PCSK6: variants seen among roughly 807,000 people sequenced by gnomAD.
PCSK6 encodes the protein proprotein convertase subtilisin/kexin type 6.
A neutral mutation model predicts 123.3 loss-of-function variants in PCSK6; 85 were observed. The observed-to-expected ratio is 0.69, with a 90% CI of 0.58 to 0.83. PCSK6 has a LOEUF of 0.83. Among genes scored for constraint, PCSK6 ranks in the 40% least tolerant of loss-of-function variants. The pLI is 0.00. For synonymous variants in PCSK6, 508 were observed against 516.0 expected, an observed-to-expected ratio of 0.98 and a Z score of 0.21; for missense variants, 1,191 against 1,282.3, an observed-to-expected ratio of 0.93 and a Z score of 1.09.
chr15:101,418,533 T>C (rs2055970624), intron 6 of PCSK6, among the ~76,000 whole-genome samples: 1 of 151,936 alleles, frequency 6.6e-6, no homozygotes, highest in Non-Finnish European at 1.5e-5. Context: ...TTTTTTTTTT[T>C]TTTTTTGAGG....
At chr15:101,374,213 C>T (rs767245904) in intron 11 of PCSK6, among the ~76,000 whole-genome samples, 3 of 152,194 alleles carry the variant, frequency 2.0e-5, no homozygotes, top group Non-Finnish European at 2.9e-5. Flanking sequence ...CCTGAGGAGG[C>T]GAAGGCCCAC....
Position 101,313,514 on chromosome 15 carries a change from C to T in PCSK6, c.2570-9G>A, listed in dbSNP as rs1012421950. 9.4e-6 allele frequency: 15 copies of T among 1,589,280 alleles called. No homozygotes were observed. Among genetic ancestry groups the T allele is most frequent in the African/African-American group, 1.3e-5 (1 of 74,838 alleles). On this transcript the variant is annotated splice_polypyrimidine_tract_variant and intron_variant, in intron 19 of 21. Coordinates refer to ENST00000611716, the MANE Select transcript of PCSK6 (RefSeq NM_002570.5). ...CTCTTCTCTGCCTGGCCCTGAGAGA[C>T]ACAGGAAAAGAAGCAGGTATCAGGG...
chr15:101,471,882 C>T (rs1163079970), intron 1 of PCSK6, among the ~76,000 whole-genome samples: 1 of 152,154 alleles, frequency 6.6e-6, no homozygotes, highest in Non-Finnish European at 1.5e-5. Flanking sequence ...GTTTCTTTCA[C>T]TTGGCCTGTC....
intron 13 of PCSK6, among the ~76,000 whole-genome samples, chr15:101,358,984 C>T (rs888323876): frequency 6.6e-6 from 1 of 152,210 alleles, no homozygotes; most frequent in Non-Finnish European, 1.5e-5. Context: ...GGCTCCCAGG[C>T]TAGCTCTCAC....
chr15:101,375,655 A>ATAATG (rs1324988872), intron 11 of PCSK6, among the ~76,000 whole-genome samples: 1 of 151,834 alleles, frequency 6.6e-6, no homozygotes, highest in Non-Finnish European at 1.5e-5. Flanking sequence ...GAGTGGTAAC[A>ATAATG]TAATGAGTCC....
At chr15:101,369,763 C>T (rs1313941130) in intron 12 of PCSK6, among the ~76,000 whole-genome samples, 1 of 140,554 alleles carries the variant, frequency 7.1e-6, no homozygotes, top group Non-Finnish European at 1.6e-5. Context: ...AAACCATGTG[C>T]GAAGCTTTGG....
At chr15:101,361,166 T>TC (rs200363123) in intron 13 of PCSK6, among the ~76,000 whole-genome samples, 2,448 of 120,042 alleles carry the variant, frequency 0.02, 91 homozygotes, top group East Asian at 0.19. Context: ...TTCTCTCTCT[T>TC]TTTTTTTTTT....
At chr15:101,483,786 C>T (rs993943970) in intron 1 of PCSK6, among the ~76,000 whole-genome samples, 6 of 152,364 alleles carry the variant, frequency 3.9e-5, no homozygotes, top group East Asian at 1.9e-4. Flanking sequence ...TCTGTCCAAA[C>T]GCCCATGCGA....
chr15:101,426,061 C>G (rs1035592229), intron 6 of PCSK6, among the ~76,000 whole-genome samples: 3 of 152,216 alleles, frequency 2.0e-5, no homozygotes, highest in Non-Finnish European at 4.4e-5. Flanking sequence ...ATGCCATGCT[C>G]AAAGTCTAGG....
chr15:101,342,511 T>C lies in PCSK6; in HGVS notation c.1859-10480A>G, dbSNP rs1016126867. ...TTAATACTGTTGGATTTAGTTTTCTTGATATTGGGCTTAGAATTTTTGTAT... is the reference window on the plus strand; with the variant it reads ...TTAATACTGTTGGATTTAGTTTTCTCGATATTGGGCTTAGAATTTTTGTAT... On this transcript the variant is annotated intron_variant, in intron 13 of 21. Coordinates refer to ENST00000611716, the MANE Select transcript of PCSK6 (RefSeq NM_002570.5). Among the ~76,000 whole-genome samples the C allele has an allele frequency of 3.9e-5, 6 of 152,246 alleles. No individual in the cohort carries two copies. In the East Asian group the frequency reaches 1.2e-3, roughly 29 times the overall value.
chr15:101,373,610 G>A (rs890844712), intron 11 of PCSK6, among the ~76,000 whole-genome samples: 4 of 152,164 alleles, frequency 2.6e-5, no homozygotes, highest in African/African-American at 4.8e-5. Flanking sequence ...GCTTCAAAAT[G>A]TTTCATGATC....
At chr15:101,405,399 T>C (rs2042741815) in intron 6 of PCSK6, among the ~76,000 whole-genome samples, 1 of 151,972 alleles carries the variant, frequency 6.6e-6, no homozygotes, top group Non-Finnish European at 1.5e-5. Context: ...TAAGGACGAG[T>C]CTGTGGGTGT....
chr15:101,406,113 T>C (rs2042771123), intron 6 of PCSK6, among the ~76,000 whole-genome samples: 1 of 152,180 alleles, frequency 6.6e-6, no homozygotes, highest in African/African-American at 2.4e-5. Context: ...CCTATCAACA[T>C]GCAGCCGGCC....
Position 101,305,412 on chromosome 15 carries a change from G to A in PCSK6, c.2813-57C>T, listed in dbSNP as rs1192460566. ...GGAAAGGTCAGTCTTCGGTGCCTGT[G>A]AAGATTGTTTCAAGGCCGGGCGCGG... On this transcript the variant is annotated intron_variant, in intron 21 of 21. Coordinates refer to ENST00000611716, the MANE Select transcript of PCSK6 (RefSeq NM_002570.5). The surrounding 1 kb of genome is among the most constrained non-coding windows in gnomAD (Gnocchi z 4.8). 4 of 1,468,984 alleles carry A rather than the reference G, an allele frequency of 2.7e-6. No homozygotes were observed. Among genetic ancestry groups the A allele is most frequent in the South Asian group, 1.2e-5 (1 of 85,220 alleles). 91.0% of individuals were successfully genotyped at this position (1,468,984 alleles called of 1,614,324 possible).
chr15:101,344,649 CT>C (rs1386260964), intron 13 of PCSK6, among the ~76,000 whole-genome samples: 2 of 151,996 alleles, frequency 1.3e-5, no homozygotes, highest in South Asian at 4.2e-4. Context: ...ACAGAAAATA[CT>C]TTTTTTTAAT....
chr15:101,305,350 C>G lies in PCSK6; in HGVS notation c.2818G>C (p.Glu940Gln), dbSNP rs1231150294. The change falls in exon 22 of 22, where the codon GAG becomes CAG. Residue 940 changes from glutamate (E) to glutamine (Q), a missense_variant. Glu to Gln is a conservative substitution (Grantham distance 29, BLOSUM62 2). This residue lies in a region of PCSK6 where 630 missense variants were observed against 631.4 expected (regional missense o/e 1.00). Transcript: ENST00000611716. This position sits in a 1 kb window ranked among gnomAD's most constrained non-coding sequence, Gnocchi z 4.8. ...GACTTCACCATCTCGCAGAATGTCT[C>G]GTCAGCTGGGGCCCCGCATCAGGAA... The part of the protein sequence containing the change: ...ITNHTCSNAD[E>Q]TFCEMVKSNR... 1.2e-6 allele frequency: 2 copies of G among 1,611,866 alleles called. No individual in the cohort carries two copies. The highest frequency in any genetic ancestry group is 1.7e-6 in the Non-Finnish European group (2 of 1,179,676).
At chr15:101,442,308 G>A (rs935642580) in intron 2 of PCSK6, among the ~76,000 whole-genome samples, 2 of 152,050 alleles carry the variant, frequency 1.3e-5, no homozygotes, top group South Asian at 2.1e-4. Context: ...CGACTTATCC[G>A]TATCTATCTA....
chr15:101,436,494 A>G lies in PCSK6; in HGVS notation c.403-4394T>C, dbSNP rs140958060. ...AGGTTACTTTATTCTGTAACTGTGAAAGAACAAGGGGACTGCAAGCCAGAC... is the reference window on the plus strand; with the variant it reads ...AGGTTACTTTATTCTGTAACTGTGAGAGAACAAGGGGACTGCAAGCCAGAC... On this transcript the variant is annotated intron_variant, in intron 2 of 21. Coordinates refer to ENST00000611716, the MANE Select transcript of PCSK6 (RefSeq NM_002570.5). 5.4e-3 allele frequency among the ~76,000 whole-genome samples: 825 copies of G among 152,328 alleles called. 9 individuals are homozygous for G. Among genetic ancestry groups the G allele is most frequent in the African/African-American group, 0.019 (795 of 41,566 alleles).
intron 13 of PCSK6, among the ~76,000 whole-genome samples, chr15:101,362,241 C>T (rs924655723): frequency 6.6e-6 from 1 of 152,174 alleles, no homozygotes; most frequent in African/African-American, 2.4e-5. Context: ...CAGGCATGAG[C>T]CACCATGCCC....
Sources: allele counts gnomAD v4.1 joint callset (sites outside exome capture counted in the v4.1 genomes callset), GRCh38; gene constraint gnomAD v4.1.1; regional missense constraint gnomAD v4.1.1; non-coding constraint Gnocchi (gnomAD v3.1); transcripts MANE v1.5; gene names NCBI Gene and HGNC (gene_info 2026-07-23, HGNC 2026-07-21).